Variants in EIF5AL1 observed in about 807,000 individuals in gnomAD.
EIF5AL1 encodes the protein eukaryotic translation initiation factor 5A like 1.
In EIF5AL1, 4 loss-of-function variants were observed where a neutral mutation model predicts 9.0. The observed-to-expected ratio is 0.45, with a 90% confidence interval of 0.22 to 1.02. The LOEUF is 1.02. Ranked by LOEUF, EIF5AL1 falls within the 50% of genes least tolerant of loss-of-function variation. EIF5AL1 has a pLI of 0.24. For missense variants in EIF5AL1, 58 were observed against 194.1 expected, an observed-to-expected ratio of 0.30 and a Z score of 4.17; for synonymous variants, 40 against 75.7, an observed-to-expected ratio of 0.53 and a Z score of 2.45.
chr10:79,513,053 TCA>T lies in EIF5AL1; in HGVS notation c.406_407del (p.Thr136GlyfsTer60). On this transcript the variant is annotated frameshift_variant, in exon 1 of 1. Transcript: ENST00000520547. LOFTEE classifies it high-confidence loss of function. ...TACGACTGTGGAGAAGAGATCCTGA[TCA>T]CGGTGCTGTCTGCCATGACAGAGGA... 1 of 1,612,324 alleles carries T rather than the reference TCA, an allele frequency of 6.2e-7. No homozygotes were observed. The highest frequency in any genetic ancestry group is 8.5e-7 in the Non-Finnish European group (1 of 1,178,706).
rs1368770195 is a variant in EIF5AL1, at chr10:79,514,467, C to A, written c.*1353C>A. The A allele has an allele frequency of 6.0e-6, 1 of 166,956 alleles. No individual in the cohort carries two copies. The highest frequency in any genetic ancestry group is 1.5e-5 in the Non-Finnish European group (1 of 68,112). 10.3% of individuals were successfully genotyped at this position (166,956 alleles called of 1,614,324 possible). The stretch of plus-strand genomic sequence containing the variant: ...TAGAGGTGGACAGGAAACACCCTGA[C>A]TTTTGTAGGGACTGAACCTCACTGA... On this transcript the variant is annotated 3_prime_UTR_variant, in exon 1 of 1. Transcript: ENST00000520547.
Position 79,515,400 on chromosome 10 carries a change from T to G in EIF5AL1, c.*2286T>G, listed in dbSNP as rs1321260321. On this transcript the variant is annotated 3_prime_UTR_variant, in exon 1 of 1. Coordinates refer to ENST00000520547, the MANE Select transcript of EIF5AL1 (RefSeq NM_001099692.2). ...CTAGAAAACAATAATTGAACAATGATGTGAATATATTTCACACAACTGAAC... is the reference window on the plus strand; with the variant it reads ...CTAGAAAACAATAATTGAACAATGAGGTGAATATATTTCACACAACTGAAC... 1.6e-5 allele frequency: 3 copies of G among 181,898 alleles called. No individual in the cohort carries two copies. Among genetic ancestry groups the G allele is most frequent in the Admixed American group, 1.2e-4 (2 of 16,836 alleles). The allele number at this position is 181,898 out of a possible 1,614,324, so 11.3% of individuals were successfully genotyped here.
At position 79,514,251 on chromosome 10, in the gene EIF5AL1, G is replaced by A. The variant is rs1858195739; in HGVS notation, c.*1137G>A. ...CAGGACGAGGGTCAGCCTCACATTTGGGGCTCATTTCCCTCAGTTTCCTCA... is the reference window on the plus strand; with the variant it reads ...CAGGACGAGGGTCAGCCTCACATTTAGGGCTCATTTCCCTCAGTTTCCTCA... On this transcript the variant is annotated 3_prime_UTR_variant, in exon 1 of 1. Coordinates refer to ENST00000520547, the MANE Select transcript of EIF5AL1 (RefSeq NM_001099692.2). 6.0e-6 allele frequency: 1 copy of A among 167,202 alleles called. No homozygotes were observed. The highest frequency in any genetic ancestry group is 1.9e-4 in the East Asian group (1 of 5,204). The allele number at this position is 167,202 out of a possible 1,614,324, so 10.4% of individuals were successfully genotyped here.
chr10:79,513,725 C>G lies in EIF5AL1; in HGVS notation c.*611C>G, dbSNP rs1428596436. ...CCCCGACACATTTGTTAAAATCAAA[C>G]CTGAATAAAACTACAAGTTTAATAT... On this transcript the variant is annotated 3_prime_UTR_variant, in exon 1 of 1. Coordinates refer to ENST00000520547, the MANE Select transcript of EIF5AL1 (RefSeq NM_001099692.2). The G allele has an allele frequency of 6.2e-6, 1 of 161,170 alleles. No individual in the cohort carries two copies. The highest frequency in any genetic ancestry group is 2.5e-5 in the African/African-American group (1 of 39,874). The allele number at this position is 161,170 out of a possible 1,614,324, so 10.0% of individuals were successfully genotyped here. A position where few individuals can be genotyped will look rare whatever the true frequency, so the allele number is the denominator to read the frequency against.
Position 79,512,925 on chromosome 10 carries a change from T to C in EIF5AL1, c.276T>C (p.Ile92=). ...PNIKRNDFQL[I]GIQDGYLSLL... The stretch of plus-strand genomic sequence containing the variant: ...TCAAAAGGAATGACTTCCAGCTGAT[T>C]GGCATCCAGGATGGGTACCTATCAC... The change falls in exon 1 of 1, where the codon ATT becomes ATC. Residue 92 remains isoleucine (I), a synonymous_variant. Coordinates refer to ENST00000520547, the MANE Select transcript of EIF5AL1 (RefSeq NM_001099692.2). The C allele has an allele frequency of 6.2e-7, 1 of 1,613,946 alleles. No individual in the cohort carries two copies. The highest frequency in any genetic ancestry group is 1.1e-5 in the South Asian group (1 of 91,062).
rs2260749 is a variant in EIF5AL1, at chr10:79,515,287, T to G, written c.*2173T>G. The G allele has an allele frequency of 3.4e-6, 1 of 298,336 alleles. No homozygotes were observed. Among genetic ancestry groups the G allele is most frequent in the Non-Finnish European group, 6.8e-6 (1 of 147,026 alleles). 18.5% of individuals were successfully genotyped at this position (298,336 alleles called of 1,614,324 possible). A position where few individuals can be genotyped will look rare whatever the true frequency, so the allele number is the denominator to read the frequency against. On this transcript the variant is annotated 3_prime_UTR_variant, in exon 1 of 1. Coordinates refer to ENST00000520547, the MANE Select transcript of EIF5AL1 (RefSeq NM_001099692.2). The stretch of plus-strand genomic sequence containing the variant: ...GACAGATAGCATACCTTCCTGTCTA[T>G]GGCTATTGGACCTGCAGGCTTTCCC...
rs1482651968 is a variant in EIF5AL1, at chr10:79,514,333, T to C, written c.*1219T>C. ...AAGAAGCAGAGCAGCTTTTGCACCATGTGGAGGACTAGATGGAAAACAAGT... is the reference window on the plus strand; with the variant it reads ...AAGAAGCAGAGCAGCTTTTGCACCACGTGGAGGACTAGATGGAAAACAAGT... On this transcript the variant is annotated 3_prime_UTR_variant, in exon 1 of 1. Transcript: ENST00000520547. The C allele has an allele frequency of 6.0e-6, 1 of 167,092 alleles. No homozygotes were observed. The highest frequency in any genetic ancestry group is 2.4e-5 in the African/African-American group (1 of 41,448). The allele number at this position is 167,092 out of a possible 1,614,324, so 10.4% of individuals were successfully genotyped here. A position where few individuals can be genotyped will look rare whatever the true frequency, so the allele number is the denominator to read the frequency against.
chr10:79,512,555 G>C lies in EIF5AL1; in HGVS notation c.-95G>C. 1 of 1,106,524 alleles carries C rather than the reference G, an allele frequency of 9.0e-7. No homozygotes were observed. The highest frequency in any genetic ancestry group is 1.4e-5 in the South Asian group (1 of 73,424). The allele number at this position is 1,106,524 out of a possible 1,614,324, so 68.5% of individuals were successfully genotyped here. ...CTGGGTAGAGGCGGCGGCGGCGGCG[G>C]CGGCGGCGGGCTCGGAGGCAGCGGT... is the stretch of plus-strand genomic sequence containing the variant. On this transcript the variant is annotated 5_prime_UTR_variant, in exon 1 of 1. Transcript: ENST00000520547.
Position 79,512,932 on chromosome 10 carries a change from C to T in EIF5AL1, c.283C>T (p.Gln95Ter). 1 of 1,613,862 alleles carries T rather than the reference C, an allele frequency of 6.2e-7. No homozygotes were observed. Among genetic ancestry groups the T allele is most frequent in the Non-Finnish European group, 8.5e-7 (1 of 1,179,904 alleles). ...KRNDFQLIGI[Q>*]DGYLSLLQDS... ...GAATGACTTCCAGCTGATTGGCATC[C>T]AGGATGGGTACCTATCACTGCTCCA... Residue 95 changes from glutamine (Q) to a stop codon, truncating the protein, a stop_gained, in exon 1 of 1, where the codon CAG becomes TAG. Transcript: ENST00000520547. LOFTEE classifies it high-confidence loss of function.
In EIF5AL1 at chr10:79,515,779, C is replaced by T. The variant is rs1858222624; in HGVS notation, c.*2665C>T. The T allele has an allele frequency of 6.0e-6, 1 of 167,004 alleles. No homozygotes were observed. The highest frequency in any genetic ancestry group is 1.5e-5 in the Non-Finnish European group (1 of 68,114). The allele number at this position is 167,004 out of a possible 1,614,324, so 10.3% of individuals were successfully genotyped here. ...ATTTGTTCTCTTCTTGGCTAATATG[C>T]AATGCAAATCCTGTTGCAGATGTAC... is the stretch of plus-strand genomic sequence containing the variant. On this transcript the variant is annotated 3_prime_UTR_variant, in exon 1 of 1. Coordinates refer to ENST00000520547, the MANE Select transcript of EIF5AL1 (RefSeq NM_001099692.2).
Position 79,514,096 on chromosome 10 carries a change from C to T in EIF5AL1, c.*982C>T, listed in dbSNP as rs1461153016. 4.8e-5 allele frequency: 8 copies of T among 166,924 alleles called. No individual in the cohort carries two copies. Among genetic ancestry groups the T allele is most frequent in the Admixed American group, 6.5e-5 (1 of 15,274 alleles). 10.3% of individuals were successfully genotyped at this position (166,924 alleles called of 1,614,324 possible). On this transcript the variant is annotated 3_prime_UTR_variant, in exon 1 of 1. Coordinates refer to ENST00000520547, the MANE Select transcript of EIF5AL1 (RefSeq NM_001099692.2). ...TTCTGCTCTGGAGTAGACATGAGTG[C>T]GTGTGAAGCTTCTGATCTCCCATGA...
chr10:79,515,730 G>A lies in EIF5AL1; in HGVS notation c.*2616G>A, dbSNP rs1252920063. On this transcript the variant is annotated 3_prime_UTR_variant, in exon 1 of 1. Coordinates refer to ENST00000520547, the MANE Select transcript of EIF5AL1 (RefSeq NM_001099692.2). ...AGAATTCCATATAGACTGCATATGA[G>A]TTGAATCTTCTAAGACATGAAATAT... The A allele has an allele frequency of 6.0e-6, 1 of 167,082 alleles. No individual in the cohort carries two copies. The highest frequency in any genetic ancestry group is 2.4e-5 in the African/African-American group (1 of 41,440). The allele number at this position is 167,082 out of a possible 1,614,324, so 10.3% of individuals were successfully genotyped here. A position where few individuals can be genotyped will look rare whatever the true frequency, so the allele number is the denominator to read the frequency against.
At position 79,515,707 on chromosome 10, in the gene EIF5AL1, A is replaced by T. The variant is rs1309628162; in HGVS notation, c.*2593A>T. 1 of 167,108 alleles carries T rather than the reference A, an allele frequency of 6.0e-6. No homozygotes were observed. Among genetic ancestry groups the T allele is most frequent in the African/African-American group, 2.4e-5 (1 of 41,428 alleles). 10.4% of individuals were successfully genotyped at this position (167,108 alleles called of 1,614,324 possible). ...CAGTAATGACTGAATTCCCACAAAG[A>T]ATTCCATATAGACTGCATATGAGTT... On this transcript the variant is annotated 3_prime_UTR_variant, in exon 1 of 1. Transcript: ENST00000520547.
rs74565630 is a variant in EIF5AL1, at chr10:79,513,877, G to A, written c.*763G>A. On this transcript the variant is annotated 3_prime_UTR_variant, in exon 1 of 1. Coordinates refer to ENST00000520547, the MANE Select transcript of EIF5AL1 (RefSeq NM_001099692.2). ...CCACCCAGGGCACCCTTCAGCACAC[G>A]CTGTCTGGAGTGGCCTGAAGCAAGG... 0.026 allele frequency: 4,276 copies of A among 167,374 alleles called. 59 individuals carry two copies. The highest frequency in any genetic ancestry group is 0.042 in the Non-Finnish European group (2,849 of 68,296). The allele number at this position is 167,374 out of a possible 1,614,324, so 10.4% of individuals were successfully genotyped here.
In EIF5AL1 at chr10:79,514,220, G is replaced by A. The variant is rs868273256; in HGVS notation, c.*1106G>A. 9 of 167,170 alleles carry A rather than the reference G, an allele frequency of 5.4e-5. No homozygotes were observed. The highest frequency in any genetic ancestry group is 6.3e-3 in the Middle Eastern group (2 of 318). 10.4% of individuals were successfully genotyped at this position (167,170 alleles called of 1,614,324 possible). A position where few individuals can be genotyped will look rare whatever the true frequency, so the allele number is the denominator to read the frequency against. On this transcript the variant is annotated 3_prime_UTR_variant, in exon 1 of 1. Transcript: ENST00000520547. ...GACATGAGGCCAAGATGGAGAAGAA[G>A]GAACCCAGGACGAGGGTCAGCCTCA...
At position 79,515,296 on chromosome 10, in the gene EIF5AL1, G is replaced by A. The variant is rs145993070; in HGVS notation, c.*2182G>A. 1,241 of 263,284 alleles carry A rather than the reference G, an allele frequency of 4.7e-3. 18 individuals are homozygous for A. The highest frequency in any genetic ancestry group is 0.027 in the African/African-American group (1,170 of 42,602). The allele number at this position is 263,284 out of a possible 1,614,324, so 16.3% of individuals were successfully genotyped here. A position where few individuals can be genotyped will look rare whatever the true frequency, so the allele number is the denominator to read the frequency against. On this transcript the variant is annotated 3_prime_UTR_variant, in exon 1 of 1. Coordinates refer to ENST00000520547, the MANE Select transcript of EIF5AL1 (RefSeq NM_001099692.2). The stretch of plus-strand genomic sequence containing the variant: ...CATACCTTCCTGTCTATGGCTATTG[G>A]ACCTGCAGGCTTTCCCCTGTAAATC...
rs150231945 is a variant in EIF5AL1, at chr10:79,513,325, A to G, written c.*211A>G. ...CCCTTGGCCAGGAGCGAGCGAAGCC[A>G]TGGCCTTGGTGAAGCTGCCCTCCTC... On this transcript the variant is annotated 3_prime_UTR_variant, in exon 1 of 1. Coordinates refer to ENST00000520547, the MANE Select transcript of EIF5AL1 (RefSeq NM_001099692.2). 5.1e-3 allele frequency: 3,359 copies of G among 653,868 alleles called. 86 individuals carry two copies. The African/African-American group carries it at 0.053, about 10-fold the overall frequency. The allele number at this position is 653,868 out of a possible 1,614,324, so 40.5% of individuals were successfully genotyped here. A position where few individuals can be genotyped will look rare whatever the true frequency, so the allele number is the denominator to read the frequency against.
rs1422713305 is a variant in EIF5AL1, at chr10:79,514,662, A to G, written c.*1548A>G. 6.0e-6 allele frequency: 1 copy of G among 167,146 alleles called. No individual in the cohort carries two copies. The highest frequency in any genetic ancestry group is 1.5e-5 in the Non-Finnish European group (1 of 68,170). 10.4% of individuals were successfully genotyped at this position (167,146 alleles called of 1,614,324 possible). A position where few individuals can be genotyped will look rare whatever the true frequency, so the allele number is the denominator to read the frequency against. ...TTACATTTAGCCAAAAAGACTAGTC[A>G]TGTGGCAGGAAAAATACAATGTCAT... On this transcript the variant is annotated 3_prime_UTR_variant, in exon 1 of 1. Transcript: ENST00000520547.
Position 79,516,092 on chromosome 10 carries a change from T to C in EIF5AL1, c.*2978T>C, listed in dbSNP as rs949379419. 1.2e-5 allele frequency: 2 copies of C among 167,214 alleles called. No individual in the cohort carries two copies. The highest frequency in any genetic ancestry group is 2.1e-4 in the South Asian group (1 of 4,828). 10.4% of individuals were successfully genotyped at this position (167,214 alleles called of 1,614,324 possible). ...AGAAGCAAAGAAAAACCATGAGGCA[T>C]GAACATTTCATGGCAATCACGATGT... is the stretch of plus-strand genomic sequence containing the variant. On this transcript the variant is annotated 3_prime_UTR_variant, in exon 1 of 1. Coordinates refer to ENST00000520547, the MANE Select transcript of EIF5AL1 (RefSeq NM_001099692.2).
Sources: allele counts gnomAD v4.1 joint callset, GRCh38; gene constraint gnomAD v4.1.1; transcripts MANE v1.5; gene names NCBI Gene and HGNC (gene_info 2026-07-23, HGNC 2026-07-21).